URB2: variants seen among roughly 807,000 people sequenced by gnomAD.
URB2 encodes the protein URB2 ribosome biogenesis homolog.
In URB2, 86 loss-of-function variants were observed where a neutral mutation model predicts 120.9. The ratio of observed to expected loss-of-function variants is 0.71; its 90% CI spans 0.60 to 0.85. The LOEUF is 0.85. Among genes scored for constraint, URB2 ranks in the 40% least tolerant of loss-of-function variants. The pLI is 0.00. For synonymous variants in URB2, 755 were observed against 758.4 expected (o/e 1.00, Z 0.07); for missense variants, 1,765 against 1,836.5 (o/e 0.96, Z 0.71).
Position 229,627,653 on chromosome 1 carries a change from G to T in URB2, c.20G>T (p.Gly7Val), listed in dbSNP as rs779299168. 3.7e-6 allele frequency: 6 copies of T among 1,612,236 alleles called. No homozygotes were observed. Among genetic ancestry groups the T allele is most frequent in the Non-Finnish European group, 5.1e-6 (6 of 1,179,166 alleles). ...CTAGCCATGGCTGCTGTTTATTCTG[G>T]CATTTCCCTTAAGCTTAAAAGCAAG... MAAVYS[G>V]ISLKLKSKTT... The change falls in exon 2 of 10, where the codon GGC becomes GTC. Residue 7 changes from glycine to valine, a missense_variant. Physicochemically the swap from Gly to Val is moderately radical, Grantham distance 109 (BLOSUM62 -3). Coordinates refer to ENST00000258243, the MANE Select transcript of URB2 (RefSeq NM_014777.4).
At chr1:229,627,108 G>A (rs1665511109) in intron 1 of URB2, among the ~76,000 whole-genome samples, 1 of 152,068 alleles carries the variant, frequency 6.6e-6, no homozygotes, top group Non-Finnish European at 1.5e-5. Context: ...AAGTGTATGT[G>A]CGTTGTAAAT....
intron 4 of URB2, among the ~76,000 whole-genome samples, chr1:229,641,600 C>CGTGCAG (rs1482700098): frequency 6.6e-6 from 1 of 152,120 alleles, no homozygotes; most frequent in Non-Finnish European, 1.5e-5. Flanking sequence ...GAAGAGGCGC[C>CGTGCAG]GTGCAGGTGC....
rs1309997786 is a variant in URB2 at position 229,659,543 on chromosome 1, A to AT, written c.*248dup. 11 of 365,954 alleles carry AT rather than the reference A, an allele frequency of 3.0e-5. No homozygotes were observed. The highest frequency in any genetic ancestry group is 7.6e-4 in the Middle Eastern group (1 of 1,322). The allele number at this position is 365,954 out of a possible 1,614,324, so 22.7% of individuals were successfully genotyped here. A position where few individuals can be genotyped will look rare whatever the true frequency, so the allele number is the denominator to read the frequency against. ...TCCTGAAAATTGACCCTGGGATGAG[A>AT]TTAATTCAATAGAAAAATTGCTGAC... On this transcript the variant is annotated 3_prime_UTR_variant, in exon 10 of 10. Coordinates refer to ENST00000258243, the MANE Select transcript of URB2 (RefSeq NM_014777.4).
Position 229,636,398 on chromosome 1 carries a change from A to G in URB2, c.1785A>G (p.Pro595=). The part of the protein sequence containing the change: ...ALLPDTPGPE[P]ELWLQKVSDS... Reference sequence around the variant, plus strand: ...TCCCGGACACCCCAGGCCCAGAGCCAGAGCTGTGGCTGCAGAAGGTCAGTG... The same window carrying G: ...TCCCGGACACCCCAGGCCCAGAGCCGGAGCTGTGGCTGCAGAAGGTCAGTG... The change falls in exon 4 of 10, where the codon CCA becomes CCG. Residue 595 remains proline (P), a synonymous_variant. Coordinates refer to ENST00000258243, the MANE Select transcript of URB2 (RefSeq NM_014777.4). 1 of 1,614,264 alleles carries G rather than the reference A, an allele frequency of 6.2e-7. No homozygotes were observed. Among genetic ancestry groups the G allele is most frequent in the African/African-American group, 1.3e-5 (1 of 75,082 alleles).
At chr1:229,644,119 A>AGTC (rs1394377946) in intron 5 of URB2, among the ~76,000 whole-genome samples, 1 of 152,252 alleles carries the variant, frequency 6.6e-6, no homozygotes, top group Non-Finnish European at 1.5e-5. Context: ...TTCTGACAGA[A>AGTC]GTCGCTAATA....
rs368220711 is a variant in URB2 at position 229,635,759 on chromosome 1, C to T, written c.1146C>T (p.His382=). The T allele has an allele frequency of 9.3e-6, 15 of 1,614,180 alleles. No individual in the cohort carries two copies. The highest frequency in any genetic ancestry group is 2.2e-5 in the East Asian group (1 of 44,886). Residue 382 remains histidine, a synonymous_variant, in exon 4 of 10, where the codon CAC becomes CAT. Transcript: ENST00000258243. ...ACATCGCTGCCGACAGAATTCGGCACGAAGAGGCTCAGTTCCGCTTTTACC... is the reference window on the plus strand; with the variant it reads ...ACATCGCTGCCGACAGAATTCGGCATGAAGAGGCTCAGTTCCGCTTTTACC... The part of the protein sequence containing the change: ...IYNIAADRIR[H]EEAQFRFYRH...
At chr1:229,652,551 G>C (rs1266716598) in intron 8 of URB2, among the ~76,000 whole-genome samples, 1 of 152,272 alleles carries the variant, frequency 6.6e-6, no homozygotes, top group East Asian at 1.9e-4. Context: ...GGCACAGTTA[G>C]ATATTTCGCT....
In URB2 at chr1:229,651,336, A is replaced by G; in HGVS notation, c.4237+14A>G. On this transcript the variant is annotated intron_variant, in intron 8 of 9. Coordinates refer to ENST00000258243, the MANE Select transcript of URB2 (RefSeq NM_014777.4). ...AGAAGGACAAAGGTAATTTGGAGTA[A>G]CATCAGACACAGTTTCAAATATATT... 1 of 1,605,326 alleles carries G rather than the reference A, an allele frequency of 6.2e-7. No homozygotes were observed. Among genetic ancestry groups the G allele is most frequent in the Non-Finnish European group, 8.5e-7 (1 of 1,176,250 alleles).
intron 9 of URB2, among the ~76,000 whole-genome samples, chr1:229,654,628 G>T (rs1428568726): frequency 6.6e-6 from 1 of 152,138 alleles, no homozygotes; most frequent in Non-Finnish European, 1.5e-5. Context: ...AAGTAGCTAG[G>T]ACTACAGGCA....
At chr1:229,652,535 A>G (rs569455856) in intron 8 of URB2, among the ~76,000 whole-genome samples, 17 of 152,380 alleles carry the variant, frequency 1.1e-4, no homozygotes, top group African/African-American at 2.9e-4. Flanking sequence ...TTTGGGATCA[A>G]TCAGTGGCAC....
rs771267150 is a variant in URB2 at position 229,643,530 on chromosome 1, C to T, written c.3635-3C>T. The stretch of plus-strand genomic sequence containing the variant: ...TAACAATTTTGGTTTCTTTCCCACA[C>T]AGATCCTGAAATTCCTGTTCAGGTC... On this transcript the variant is annotated splice_polypyrimidine_tract_variant and splice_region_variant and intron_variant, in intron 4 of 9. Coordinates refer to ENST00000258243, the MANE Select transcript of URB2 (RefSeq NM_014777.4). 11 of 1,613,940 alleles carry T rather than the reference C, an allele frequency of 6.8e-6. 1 individual carries two copies. In the South Asian group the frequency reaches 1.2e-4, roughly 18 times the overall value.
intron 8 of URB2, among the ~76,000 whole-genome samples, chr1:229,652,198 A>T (rs1209472807): frequency 9.5e-6 from 1 of 105,430 alleles, no homozygotes; most frequent in Non-Finnish European, 2.0e-5. Flanking sequence ...AAAATAAAAA[A>T]CAAAAAAAAA....
intron 2 of URB2, among the ~76,000 whole-genome samples, chr1:229,629,150 C>T (rs558991538): frequency 6.6e-6 from 1 of 152,312 alleles, no homozygotes; most frequent in South Asian, 2.1e-4. Context: ...GGAAACATGA[C>T]ACGTAATGGA....
intron 4 of URB2, among the ~76,000 whole-genome samples, chr1:229,639,130 A>G (rs192174914): frequency 6.6e-6 from 1 of 151,992 alleles, no homozygotes; most frequent in Non-Finnish European, 1.5e-5. Flanking sequence ...CCCCATCTCT[A>G]CAAAAAATAC....
At chr1:229,657,156 T>G (rs1006808136) in intron 9 of URB2, among the ~76,000 whole-genome samples, 5 of 152,254 alleles carry the variant, frequency 3.3e-5, no homozygotes, top group Admixed American at 3.3e-4. Context: ...TAGTTTGTGC[T>G]GCTCATCTTA....
rs1347574815 is a variant in URB2 at position 229,636,503 on chromosome 1, G to A, written c.1890G>A (p.Met630Ile). Residue 630 changes from methionine (M) to isoleucine (I), a missense_variant, in exon 4 of 10, where the codon ATG (methionine) becomes ATA (isoleucine). Coordinates refer to ENST00000258243, the MANE Select transcript of URB2 (RefSeq NM_014777.4). The stretch of plus-strand genomic sequence containing the variant: ...TGAACTGTAGCCAGTATCACTCTAT[G>A]TCTGGGCCCCTTATAGGTGTTGCTC... ...FSLNCSQYHSMSGPLIGVALE... is the reference protein window; with the variant it reads ...FSLNCSQYHSISGPLIGVALE... The A allele has an allele frequency of 1.2e-6, 2 of 1,614,186 alleles. No homozygotes were observed. The highest frequency in any genetic ancestry group is 1.7e-6 in the Non-Finnish European group (2 of 1,180,030).
intron 3 of URB2, among the ~76,000 whole-genome samples, chr1:229,632,863 T>A (rs976642450): frequency 3.4e-5 from 5 of 145,756 alleles, no homozygotes; most frequent in African/African-American, 1.0e-4. Context: ...CAAGTGCCAC[T>A]AGTGGCTTGG....
At position 229,636,337 on chromosome 1, in the gene URB2, T is replaced by G. The variant is rs1665815586; in HGVS notation, c.1724T>G (p.Met575Arg). The G allele has an allele frequency of 1.2e-6, 2 of 1,614,178 alleles. No homozygotes were observed. Among genetic ancestry groups the G allele is most frequent in the Non-Finnish European group, 1.7e-6 (2 of 1,180,012 alleles). The stretch of plus-strand genomic sequence containing the variant: ...CGGACACAGTGCATGATGGAGAGGA[T>G]GATGAGGGAGCTCGTGCAGCCCCTG... ...VRRTQCMMER[M>R]MRELVQPLLA... The change falls in exon 4 of 10, where the codon ATG (methionine) becomes AGG (arginine). Residue 575 changes from methionine to arginine, a missense_variant. Physicochemically the swap from Met to Arg is moderately conservative, Grantham distance 91. Transcript: ENST00000258243.
chr1:229,636,557 C>G lies in URB2; in HGVS notation c.1944C>G (p.Leu648=). 1 of 1,614,170 alleles carries G rather than the reference C, an allele frequency of 6.2e-7. No homozygotes were observed. The highest frequency in any genetic ancestry group is 8.5e-7 in the Non-Finnish European group (1 of 1,180,006). ...AGATCTCGAACCTCCCTTCGTTGCT[C>G]CCAGGTGTAAAAACACAGCATTGGA... ...ALEISNLPSL[L]PGVKTQHWKK... is the part of the protein sequence containing the mutation. The change falls in exon 4 of 10, where the codon CTC becomes CTG. Residue 648 remains leucine (L), a synonymous_variant. Coordinates refer to ENST00000258243, the MANE Select transcript of URB2 (RefSeq NM_014777.4).
Sources: allele counts gnomAD v4.1 joint callset (sites outside exome capture counted in the v4.1 genomes callset), GRCh38; gene constraint gnomAD v4.1.1; transcripts MANE v1.5; gene names NCBI Gene and HGNC (gene_info 2026-07-23, HGNC 2026-07-21).